The following HECW1 variants were observed in gnomAD, a reference collection of about 807,000 sequenced individuals.
The protein encoded by HECW1 is HECT, C2 and WW domain containing E3 ubiquitin protein ligase 1.
A neutral mutation model predicts 182.3 loss-of-function variants in HECW1; 61 were observed. The ratio of observed to expected loss-of-function variants is 0.33; its 90% CI spans 0.27 to 0.41. The LOEUF is 0.41. HECW1 is among the 10% of genes least tolerant of loss of function. HECW1 has a pLI of 1.00. For synonymous variants in HECW1, 859 were observed against 832.6 expected (o/e 1.03, Z -0.55); for missense variants, 1,739 against 2,108.9 (o/e 0.82, Z 3.44).
chr7:43,543,372 T>C (rs1269406372), intron 26 of HECW1, among the ~76,000 whole-genome samples: 1 of 152,168 alleles, frequency 6.6e-6, no homozygotes, highest in East Asian at 1.9e-4. Flanking sequence ...ATGTCAACAT[T>C]CTGTTGTATT....
rs547193142 is a variant in HECW1 at position 43,394,004 on chromosome 7, G to A, written c.556-2810G>A. On this transcript the variant is annotated intron_variant, in intron 6 of 29. Transcript: ENST00000395891. ...CCCAAAGAACTTTTATTCTTAGAAA[G>A]AGACAAATTTGGGGTGGACATTTTT... Among the ~76,000 whole-genome samples the A allele has an allele frequency of 1.1e-4, 16 of 152,136 alleles. No homozygotes were observed. In the South Asian group the frequency reaches 3.1e-3, roughly 30 times the overall value.
At chr7:43,223,483 G>A (rs900380937) in intron 2 of HECW1, among the ~76,000 whole-genome samples, 2 of 152,132 alleles carry the variant, frequency 1.3e-5, no homozygotes, top group Non-Finnish European at 2.9e-5. Flanking sequence ...GCCAGGCGTG[G>A]TGATGCACAC....
intron 17 of HECW1, among the ~76,000 whole-genome samples, chr7:43,485,073 C>T (rs1030661682): frequency 7.2e-5 from 11 of 152,092 alleles, no homozygotes; most frequent in African/African-American, 1.7e-4. Flanking sequence ...GTTAGAAAAT[C>T]GTTAGTCATA....
intron 19 of HECW1, 59 bp from the exon 20 acceptor site, chr7:43,500,640 T>C (rs370711857): frequency 1.1e-4 from 131 of 1,245,756 alleles, no homozygotes; most frequent in Non-Finnish European, 1.5e-4. Flanking sequence ...CAGAAGAAAA[T>C]GTATTTCTGA....
intron 14 of HECW1, among the ~76,000 whole-genome samples, chr7:43,466,125 AAG>A (rs1005249817): frequency 6.7e-5 from 10 of 149,870 alleles, no homozygotes; most frequent in African/African-American, 2.5e-5. Flanking sequence ...AAGAAAGAAA[AAG>A]AAAGAAAGGG....
At chr7:43,299,702 G>T (rs928749056) in intron 3 of HECW1, among the ~76,000 whole-genome samples, 6 of 152,196 alleles carry the variant, frequency 3.9e-5, no homozygotes, top group Non-Finnish European at 1.5e-5. Flanking sequence ...AATCATAGTA[G>T]CTAAGTGTCC....
intron 2 of HECW1, among the ~76,000 whole-genome samples, chr7:43,221,754 C>T (rs373276817): frequency 1.3e-5 from 2 of 151,662 alleles, no homozygotes; most frequent in Non-Finnish European, 2.9e-5. Context: ...AGGGTTTCAC[C>T]GTATTAGCCA....
In HECW1 at chr7:43,444,310, C is replaced by T; in HGVS notation, c.1138C>T (p.Pro380Ser). ...NNLMESGSGE[P>S]RSEAPESSES... ...CCTGATGGAAAGCGGCAGTGGGGAA[C>T]CTCGGTCTGAGGCACCAGAGTCCTC... The change falls in exon 11 of 30, where the codon CCT (proline) becomes TCT (serine). Residue 380 changes from proline (P) to serine (S), a missense_variant. Pro to Ser is a moderately conservative substitution (Grantham distance 74). Coordinates refer to ENST00000395891, the MANE Select transcript of HECW1 (RefSeq NM_015052.5). The surrounding 1 kb of genome is among the most constrained non-coding windows in gnomAD (Gnocchi z 4.3). 6.2e-7 allele frequency: 1 copy of T among 1,614,166 alleles called. No individual in the cohort carries two copies. The highest frequency in any genetic ancestry group is 8.5e-7 in the Non-Finnish European group (1 of 1,180,030).
At chr7:43,437,579 G>C (rs1562973487) in intron 8 of HECW1, among the ~76,000 whole-genome samples, 1 of 152,128 alleles carries the variant, frequency 6.6e-6, no homozygotes, top group Non-Finnish European at 1.5e-5. Context: ...CCCCTCTCAA[G>C]GATCCAGGGT....
intron 8 of HECW1, among the ~76,000 whole-genome samples, chr7:43,418,272 G>A (rs1402978090): frequency 3.3e-5 from 5 of 152,158 alleles, no homozygotes; most frequent in Non-Finnish European, 7.3e-5. Context: ...AAGCACCAGG[G>A]TCTTAGACTT....
chr7:43,305,585 T>TTTGTTGTTGTTG lies in HECW1; in HGVS notation c.28-6160_28-6149dup, dbSNP rs144135825. 1.4e-3 allele frequency among the ~76,000 whole-genome samples: 205 copies of TTTGTTGTTGTTG among 150,760 alleles called. 1 individual carries two copies. Among genetic ancestry groups the TTTGTTGTTGTTG allele is most frequent in the African/African-American group, 4.7e-3 (191 of 40,630 alleles). On this transcript the variant is annotated intron_variant, in intron 3 of 29. Transcript: ENST00000395891. Reference sequence around the variant, plus strand: ...TGAGAATAGTGAAACTGGATAGTGTTTTGTTGTTGTTGTTGTTGTTGTTGT... The same window carrying TTTGTTGTTGTTG: ...TGAGAATAGTGAAACTGGATAGTGTTTTGTTGTTGTTGTTGTTGTTGTTGTTGTTGTTGTTGT...
intron 2 of HECW1, among the ~76,000 whole-genome samples, chr7:43,127,463 C>T (rs569655591): frequency 1.3e-3 from 171 of 126,722 alleles, no homozygotes; most frequent in African/African-American, 4.9e-3. Context: ...GCAGAGGTTG[C>T]GGTAAGCCGA....
intron 8 of HECW1, among the ~76,000 whole-genome samples, chr7:43,418,658 TG>T (rs2076088795): frequency 6.6e-6 from 1 of 152,236 alleles, no homozygotes; most frequent in Admixed American, 6.5e-5. Flanking sequence ...GATTGCCATT[TG>T]GTTTTTTTTA....
At chr7:43,298,041 C>T (rs749664972) in intron 3 of HECW1, among the ~76,000 whole-genome samples, 1 of 152,120 alleles carries the variant, frequency 6.6e-6, no homozygotes, top group Non-Finnish European at 1.5e-5. Context: ...CCACTGAACT[C>T]CAGCCAGGGT....
At chr7:43,343,013 A>T (rs906202193) in intron 5 of HECW1, among the ~76,000 whole-genome samples, 1 of 147,460 alleles carries the variant, frequency 6.8e-6, no homozygotes, top group Non-Finnish European at 1.5e-5. Flanking sequence ...AGACAGAGCA[A>T]GACTCCATCT....
intron 26 of HECW1, among the ~76,000 whole-genome samples, chr7:43,542,960 G>A (rs982027628): frequency 1.3e-5 from 2 of 152,184 alleles, no homozygotes; most frequent in African/African-American, 4.8e-5. Flanking sequence ...TCTGCTATCT[G>A]TGCCATTACA....
chr7:43,375,175 A>C (rs180901863), intron 6 of HECW1, among the ~76,000 whole-genome samples: 24 of 152,354 alleles, frequency 1.6e-4, no homozygotes, highest in South Asian at 1.0e-3. Context: ...TTTTGAACTG[A>C]AGAATGCTAT....
intron 24 of HECW1, among the ~76,000 whole-genome samples, chr7:43,536,307 A>G (rs1005183767): frequency 6.6e-6 from 1 of 152,386 alleles, no homozygotes; most frequent in Middle Eastern, 3.4e-3. Context: ...ATGGCATGTC[A>G]GAATCTCCTG....
intron 2 of HECW1, among the ~76,000 whole-genome samples, chr7:43,187,600 AATTTTG>A (rs1294005945): frequency 6.7e-6 from 1 of 149,636 alleles, no homozygotes; most frequent in Admixed American, 6.6e-5. Context: ...GTTTGTGTGA[AATTTTG>A]ATTTTATGTG....
Sources: allele counts gnomAD v4.1 joint callset (sites outside exome capture counted in the v4.1 genomes callset), GRCh38; gene constraint gnomAD v4.1.1; non-coding constraint Gnocchi (gnomAD v3.1); transcripts MANE v1.5; gene names NCBI Gene and HGNC (gene_info 2026-07-23, HGNC 2026-07-21).